CHSY3: variants seen among roughly 807,000 people sequenced by gnomAD.
The protein encoded by CHSY3 is chondroitin sulfate synthase 3, also known as N-acetylgalactosaminyl-proteoglycan 3-beta-glucuronosyltransferase 3.
CHSY3 carries 35 observed loss-of-function variants against 67.2 expected under a neutral mutation model. The observed-to-expected ratio is 0.52, with a 90% CI of 0.40 to 0.69. The LOEUF (loss-of-function observed/expected upper bound fraction) is 0.69, where lower values mean the gene tolerates loss of function less well. CHSY3 is among the 30% of genes least tolerant of loss of function. The pLI, the probability that CHSY3 is intolerant of heterozygous loss-of-function variation, is 0.00. For synonymous variants in CHSY3, 474 were observed against 434.7 expected (o/e 1.09, Z -1.12); for missense variants, 1,069 against 1,138.5 (o/e 0.94, Z 0.88).
Position 130,022,418 on chromosome 5 carries a change from C to T in CHSY3, c.1086+114058C>T, listed in dbSNP as rs1392510858. Among the ~76,000 whole-genome samples, 3 of 152,060 alleles carry T rather than the reference C, an allele frequency of 2.0e-5. No individual in the cohort carries two copies. In the East Asian group the frequency reaches 5.8e-4, roughly 29 times the overall value. Reference sequence around the variant, plus strand: ...ATTTGGATTGCTGCTGTTAATACCACCACTAATAATGTGCCTAAAATAGTG... The same window carrying T: ...ATTTGGATTGCTGCTGTTAATACCATCACTAATAATGTGCCTAAAATAGTG... On this transcript the variant is annotated intron_variant, in intron 2 of 2. Transcript: ENST00000305031.
At chr5:129,957,778 T>C (rs895931667) in intron 2 of CHSY3, among the ~76,000 whole-genome samples, 1 of 152,144 alleles carries the variant, frequency 6.6e-6, no homozygotes, top group African/African-American at 2.4e-5. Flanking sequence ...AATTTCATGA[T>C]TTATGTCTAG....
chr5:130,019,227 A>C (rs966843662), intron 2 of CHSY3, among the ~76,000 whole-genome samples: 4 of 152,310 alleles, frequency 2.6e-5, no homozygotes, highest in Non-Finnish European at 2.9e-5. Flanking sequence ...AATTGCTTGC[A>C]TGATTACCAT....
intron 2 of CHSY3, among the ~76,000 whole-genome samples, chr5:129,986,028 C>A (rs1176475358): frequency 3.9e-5 from 6 of 152,048 alleles, no homozygotes; most frequent in Non-Finnish European, 8.8e-5. Flanking sequence ...TTATTTCTTT[C>A]TTTTGCCTAA....
chr5:130,016,576 T>G (rs974879344), intron 2 of CHSY3, among the ~76,000 whole-genome samples: 2 of 152,022 alleles, frequency 1.3e-5, no homozygotes, highest in Admixed American at 1.3e-4. Context: ...TACAGCTAAT[T>G]TTTTTGTATT....
intron 2 of CHSY3, among the ~76,000 whole-genome samples, chr5:129,979,199 C>CAAAAAAA (rs58584381): frequency 1.9e-4 from 12 of 62,538 alleles, no homozygotes; most frequent in African/African-American, 2.4e-4. Context: ...GACTCCGTCT[C>CAAAAAAA]AAAAAAAAAA....
intron 2 of CHSY3, among the ~76,000 whole-genome samples, chr5:129,944,657 A>G (rs1025153397): frequency 2.0e-5 from 3 of 152,056 alleles, no homozygotes; most frequent in Non-Finnish European, 2.9e-5. Context: ...ATTATTTTGA[A>G]CTGTTGACCA....
chr5:130,030,054 T>A (rs925893647), intron 2 of CHSY3, among the ~76,000 whole-genome samples: 1 of 152,134 alleles, frequency 6.6e-6, no homozygotes, highest in Non-Finnish European at 1.5e-5. Flanking sequence ...GTTTTCTGAT[T>A]TTTAATTTTT....
chr5:129,944,707 T>A (rs1580562642), intron 2 of CHSY3, among the ~76,000 whole-genome samples: 1 of 152,176 alleles, frequency 6.6e-6, no homozygotes, highest in East Asian at 1.9e-4. Flanking sequence ...ATTAATATAT[T>A]TGAAAATGTT....
At chr5:130,062,999 C>G (rs1216982806) in intron 2 of CHSY3, among the ~76,000 whole-genome samples, 1 of 151,982 alleles carries the variant, frequency 6.6e-6, no homozygotes, top group Non-Finnish European at 1.5e-5. Flanking sequence ...TTGAGTGTGG[C>G]TTCTTTTAGC....
At chr5:129,959,137 G>A (rs186179367) in intron 2 of CHSY3, among the ~76,000 whole-genome samples, 68 of 151,780 alleles carry the variant, frequency 4.5e-4, no homozygotes, top group East Asian at 1.6e-3. Flanking sequence ...AACGTATTTC[G>A]CATTTACTAG....
intron 2 of CHSY3, among the ~76,000 whole-genome samples, chr5:129,999,430 A>G (rs1763654401): frequency 6.6e-6 from 1 of 152,174 alleles, no homozygotes; most frequent in African/African-American, 2.4e-5. Context: ...GTATTACAGT[A>G]AGAACTGAGA....
chr5:130,137,426 C>T (rs1424417329), intron 2 of CHSY3, among the ~76,000 whole-genome samples: 1 of 152,086 alleles, frequency 6.6e-6, no homozygotes. Flanking sequence ...TCTTGGTTTT[C>T]AATCATTTTG....
intron 2 of CHSY3, among the ~76,000 whole-genome samples, chr5:130,043,591 G>A (rs114624512): frequency 0.016 from 2,364 of 152,218 alleles, 32 homozygotes; most frequent in South Asian, 0.036. Flanking sequence ...AACATTAGCC[G>A]TCCACAATCC....
chr5:130,139,246 A>G (rs539984953), intron 2 of CHSY3, among the ~76,000 whole-genome samples: 1 of 152,326 alleles, frequency 6.6e-6, no homozygotes, highest in South Asian at 2.1e-4. Context: ...TAAAACATCA[A>G]TTCAGCCAAG....
intron 2 of CHSY3, among the ~76,000 whole-genome samples, chr5:130,006,832 C>T (rs6878176): frequency 0.94 from 143,449 of 152,260 alleles, 67,682 homozygotes; most frequent in East Asian, 1. Context: ...CATATAGATA[C>T]AATCTTTAAT....
At chr5:130,048,100 C>A (rs918756808) in intron 2 of CHSY3, among the ~76,000 whole-genome samples, 1 of 147,208 alleles carries the variant, frequency 6.8e-6, no homozygotes, top group South Asian at 2.1e-4. Flanking sequence ...GAACGAAGTA[C>A]GGATTTAGTG....
At chr5:130,107,148 C>T (rs1767435754) in intron 2 of CHSY3, among the ~76,000 whole-genome samples, 1 of 151,138 alleles carries the variant, frequency 6.6e-6, no homozygotes, top group Non-Finnish European at 1.5e-5. Flanking sequence ...ATGTGCTTTT[C>T]AAAGCAAAAT....
At chr5:130,017,725 T>C (rs1464634743) in intron 2 of CHSY3, among the ~76,000 whole-genome samples, 2 of 152,148 alleles carry the variant, frequency 1.3e-5, no homozygotes, top group Non-Finnish European at 2.9e-5. Flanking sequence ...ATTTTTTAAA[T>C]GTCCTACTAA....
intron 2 of CHSY3, among the ~76,000 whole-genome samples, chr5:130,009,513 A>G (rs577676654): frequency 6.6e-6 from 1 of 151,958 alleles, no homozygotes; most frequent in Non-Finnish European, 1.5e-5. Flanking sequence ...CAAAAAAAAA[A>G]AGAAGAAAGA....
Sources: allele counts gnomAD v4.1 joint callset (sites outside exome capture counted in the v4.1 genomes callset), GRCh38; gene constraint gnomAD v4.1.1; transcripts MANE v1.5; gene names NCBI Gene and HGNC (gene_info 2026-07-23, HGNC 2026-07-21).